TSPAN9: variants seen among roughly 807,000 people sequenced by gnomAD.
The protein encoded by TSPAN9 is tetraspanin 9.
In TSPAN9, 16 loss-of-function variants were observed where a neutral mutation model predicts 31.0. The observed-to-expected ratio is 0.52, with a 90% CI of 0.35 to 0.78. The LOEUF (loss-of-function observed/expected upper bound fraction) is 0.78. Among genes scored for constraint, TSPAN9 ranks in the 30% least tolerant of loss-of-function variants. The pLI is 0.01. For missense variants in TSPAN9, 272 were observed against 312.5 expected, an observed-to-expected ratio of 0.87 and a Z score of 0.98; for synonymous variants, 145 against 121.6, an observed-to-expected ratio of 1.19 and a Z score of -1.27.
chr12:3,192,756 G>A lies in TSPAN9; in HGVS notation c.-17-8421G>A, dbSNP rs1434877566. On this transcript the variant is annotated intron_variant, in intron 2 of 8. Coordinates refer to ENST00000011898, the MANE Select transcript of TSPAN9 (RefSeq NM_006675.5). The surrounding 1 kb of genome is among the most constrained non-coding windows in gnomAD (Gnocchi z 4.6). The stretch of plus-strand genomic sequence containing the variant: ...GGAGATGGTCATATAGAGGAAAGTT[G>A]GGCAGAAGAGAAGAGGGCTCAGAGC... 2.6e-5 allele frequency among the ~76,000 whole-genome samples: 4 copies of A among 152,162 alleles called. No homozygotes were observed. Among genetic ancestry groups the A allele is most frequent in the African/African-American group, 7.2e-5 (3 of 41,434 alleles).
chr12:3,224,595 G>C (rs761850633), intron 3 of TSPAN9, among the ~76,000 whole-genome samples: 7 of 152,198 alleles, frequency 4.6e-5, no homozygotes, highest in African/African-American at 1.7e-4. Context: ...CCCCTGGACC[G>C]TGTATCTGGG....
At chr12:3,156,049 T>TA (rs2098342110) in intron 2 of TSPAN9, among the ~76,000 whole-genome samples, 1 of 152,182 alleles carries the variant, frequency 6.6e-6, no homozygotes, top group Non-Finnish European at 1.5e-5. Flanking sequence ...ATTAGTTCTT[T>TA]AAAAAACAAA....
intron 2 of TSPAN9, among the ~76,000 whole-genome samples, chr12:3,198,737 AG>A: frequency 1.5e-5 from 1 of 65,100 alleles, no homozygotes. Flanking sequence ...CCACCAGCAC[AG>A]GCCACCACCA....
intron 3 of TSPAN9, among the ~76,000 whole-genome samples, chr12:3,231,612 G>A (rs552837586): frequency 6.6e-6 from 1 of 152,318 alleles, no homozygotes; most frequent in African/African-American, 2.4e-5. Flanking sequence ...CAGCAGGGGC[G>A]GGGTGGGTGG....
chr12:3,198,492 C>T (rs1285620572), intron 2 of TSPAN9, among the ~76,000 whole-genome samples: 1 of 121,434 alleles, frequency 8.2e-6, no homozygotes. Flanking sequence ...GCACAGGTCA[C>T]CAGCACAGGC....
At chr12:3,194,173 T>A (rs1366175367) in intron 2 of TSPAN9, among the ~76,000 whole-genome samples, 2 of 152,120 alleles carry the variant, frequency 1.3e-5, no homozygotes, top group East Asian at 3.9e-4. Flanking sequence ...TGACAGGCAC[T>A]GAGGGGTGGG....
Position 3,172,334 on chromosome 12 carries a change from T to G in TSPAN9, c.-17-28843T>G, listed in dbSNP as rs1194985463. ...GGCCCTCTGCCTCCCCGCCCAGCTC[T>G]GGAGGCAGCCCCGGGGAGCCGGCAT... On this transcript the variant is annotated intron_variant, in intron 2 of 8. Transcript: ENST00000011898. This position sits in a 1 kb window ranked among gnomAD's most constrained non-coding sequence, Gnocchi z 4.8. 1 of 152,412 alleles carries G rather than the reference T, an allele frequency of 6.6e-6. No homozygotes were observed. Among genetic ancestry groups the G allele is most frequent in the African/African-American group, 2.4e-5 (1 of 41,474 alleles). 9.4% of individuals were successfully genotyped at this position (152,412 alleles called of 1,614,324 possible). A position where few individuals can be genotyped will look rare whatever the true frequency, so the allele number is the denominator to read the frequency against.
At chr12:3,139,983 G>C (rs1241922655) in intron 2 of TSPAN9, among the ~76,000 whole-genome samples, 1 of 152,228 alleles carries the variant, frequency 6.6e-6, no homozygotes, top group South Asian at 2.1e-4. Context: ...TCCCTGGGCA[G>C]ATCCACTCTC....
At chr12:3,270,690 G>A (rs529558887) in intron 3 of TSPAN9, among the ~76,000 whole-genome samples, 1 of 152,264 alleles carries the variant, frequency 6.6e-6, no homozygotes, top group African/African-American at 2.4e-5. Context: ...TGGTGACTGG[G>A]CATTTATCCC....
intron 2 of TSPAN9, among the ~76,000 whole-genome samples, chr12:3,144,969 T>G (rs1052445373): frequency 6.6e-6 from 1 of 152,264 alleles, no homozygotes; most frequent in Non-Finnish European, 1.5e-5. Context: ...ATTGTGTTTC[T>G]TAGCATTTAA....
rs2153967953 is a variant in TSPAN9, at chr12:3,143,567, T to A, written c.-17-57610T>A. Among the ~76,000 whole-genome samples, 1 of 152,296 alleles carries A rather than the reference T, an allele frequency of 6.6e-6. No individual in the cohort carries two copies. Among genetic ancestry groups the A allele is most frequent in the South Asian group, 2.1e-4 (1 of 4,828 alleles). ...TTATCATTACAGACTCATGGATATT[T>A]ATTTACTTCACAGATAAAAAGTATA... is the stretch of plus-strand genomic sequence containing the variant. On this transcript the variant is annotated intron_variant, in intron 2 of 8. Coordinates refer to ENST00000011898, the MANE Select transcript of TSPAN9 (RefSeq NM_006675.5). This position sits in a 1 kb window ranked among gnomAD's most constrained non-coding sequence, Gnocchi z 4.2.
rs114891407 is a variant in TSPAN9, at chr12:3,282,982, G to A, written c.649-63G>A. ...TGCCCTGTGACATCCCAAGCCTCTC[G>A]GGGCTGAGGTCAGGTCCAGGCTGCT... On this transcript the variant is annotated intron_variant, in intron 8 of 8. Transcript: ENST00000011898. 2,343 of 1,564,240 alleles carry A rather than the reference G, an allele frequency of 1.5e-3. 30 individuals carry two copies. In the African/African-American group the frequency reaches 0.029, roughly 19 times the overall value.
chr12:3,209,765 C>T (rs2098377374), intron 3 of TSPAN9, among the ~76,000 whole-genome samples: 2 of 151,974 alleles, frequency 1.3e-5, no homozygotes, highest in African/African-American at 2.4e-5. Flanking sequence ...CGAGACCATC[C>T]TGGCTAACAC....
chr12:3,252,877 G>T (rs11837007), intron 3 of TSPAN9, among the ~76,000 whole-genome samples: 3 of 152,178 alleles, frequency 2.0e-5, no homozygotes, highest in Non-Finnish European at 2.9e-5. Flanking sequence ...TTAGGGGGAG[G>T]GGGTGCAGAA....
intron 2 of TSPAN9, among the ~76,000 whole-genome samples, chr12:3,084,690 G>A (rs2098299535): frequency 6.6e-6 from 1 of 152,230 alleles, no homozygotes; most frequent in Non-Finnish European, 1.5e-5. Flanking sequence ...ATCAGATGAA[G>A]TTATAATTTA....
At chr12:3,261,288 A>G (rs1862444122) in intron 3 of TSPAN9, among the ~76,000 whole-genome samples, 1 of 152,226 alleles carries the variant, frequency 6.6e-6, no homozygotes, top group African/African-American at 2.4e-5. Flanking sequence ...GTTTTGTCCT[A>G]TTTAATATTC....
intron 2 of TSPAN9, among the ~76,000 whole-genome samples, chr12:3,189,797 G>C (rs2098363350): frequency 6.6e-6 from 1 of 152,094 alleles, no homozygotes; most frequent in Admixed American, 6.5e-5. Context: ...TGGGGAGGAG[G>C]GAAGAGAGAT....
At chr12:3,237,380 G>A (rs1240888606) in intron 3 of TSPAN9, among the ~76,000 whole-genome samples, 4 of 152,216 alleles carry the variant, frequency 2.6e-5, no homozygotes, top group Non-Finnish European at 4.4e-5. Context: ...CATTCTGTGA[G>A]GCCGTTCTGG....
chr12:3,193,142 A>C (rs2098365311), intron 2 of TSPAN9, among the ~76,000 whole-genome samples: 1 of 152,102 alleles, frequency 6.6e-6, no homozygotes, highest in Admixed American at 6.5e-5. Flanking sequence ...ACACAGATTC[A>C]TCTAGTCCCA....
Sources: allele counts gnomAD v4.1 joint callset (sites outside exome capture counted in the v4.1 genomes callset), GRCh38; gene constraint gnomAD v4.1.1; non-coding constraint Gnocchi (gnomAD v3.1); transcripts MANE v1.5; gene names NCBI Gene and HGNC (gene_info 2026-07-23, HGNC 2026-07-21).